The following IQSEC3 variants were observed in gnomAD, a reference collection of about 807,000 sequenced individuals.
The protein encoded by IQSEC3 is IQ motif and SEC7 domain-containing protein 3.
In IQSEC3, 50 loss-of-function variants were observed where a neutral mutation model predicts 105.4. That is an observed-to-expected ratio of 0.47 (90% CI 0.38 to 0.60). IQSEC3 has a LOEUF of 0.60. IQSEC3 is among the 20% of genes least tolerant of loss of function. The pLI, the probability that IQSEC3 is intolerant of heterozygous loss-of-function variation, is 0.00. For synonymous variants in IQSEC3, 708 were observed against 746.0 expected (o/e 0.95, Z 0.83); for missense variants, 1,415 against 1,630.0 (o/e 0.87, Z 2.27).
chr12:155,336 G>C (rs1866649180), intron 5 of IQSEC3, among the ~76,000 whole-genome samples: 1 of 152,192 alleles, frequency 6.6e-6, no homozygotes, highest in African/African-American at 2.4e-5. Context: ...CCTGCCCACT[G>C]TCCCGGCCAG....
At chr12:114,291 C>A (rs1219965249) in intron 2 of IQSEC3, among the ~76,000 whole-genome samples, 2 of 152,236 alleles carry the variant, frequency 1.3e-5, no homozygotes, top group African/African-American at 4.8e-5. Context: ...TCTGCTATGG[C>A]AAGCATGTTC....
At position 177,088 on chromosome 12, in the gene IQSEC3, T is replaced by TG; in HGVS notation, c.*2060dup. 6.6e-6 allele frequency: 1 copy of TG among 152,276 alleles called. No individual in the cohort carries two copies. The highest frequency in any genetic ancestry group is 1.9e-4 in the East Asian group (1 of 5,184). 9.4% of individuals were successfully genotyped at this position (152,276 alleles called of 1,614,324 possible). ...AAATATACTTATGGGGTGGGGGCCG[T>TG]GGGGGCCAGGGACACTCTCCCAGAC... On this transcript the variant is annotated 3_prime_UTR_variant, in exon 14 of 14. Transcript: ENST00000538872. The surrounding 1 kb of genome is among the most constrained non-coding windows in gnomAD (Gnocchi z 5.3).
chr12:78,074 G>A (rs1863612790), intron 1 of IQSEC3, among the ~76,000 whole-genome samples: 1 of 151,376 alleles, frequency 6.6e-6, no homozygotes, highest in African/African-American at 2.4e-5. Flanking sequence ...TGAGGAAGGC[G>A]GCTGCTGAGT....
Position 175,246 on chromosome 12 carries a change from A to C in IQSEC3, c.*213A>C, listed in dbSNP as rs199832424. 5.7e-6 allele frequency: 3 copies of C among 524,214 alleles called. No individual in the cohort carries two copies. The highest frequency in any genetic ancestry group is 6.7e-6 in the Non-Finnish European group (2 of 298,162). 32.5% of individuals were successfully genotyped at this position (524,214 alleles called of 1,614,324 possible). A position where few individuals can be genotyped will look rare whatever the true frequency, so the allele number is the denominator to read the frequency against. ...ACCCCCTCTGCAGATCTGAAGACACACCTCACTCTCCCAGGGCCCTACACA... is the reference window on the plus strand; with the variant it reads ...ACCCCCTCTGCAGATCTGAAGACACCCCTCACTCTCCCAGGGCCCTACACA... On this transcript the variant is annotated 3_prime_UTR_variant, in exon 14 of 14. Coordinates refer to ENST00000538872, the MANE Select transcript of IQSEC3 (RefSeq NM_001170738.2).
chr12:94,485 A>T (rs1469213390), intron 1 of IQSEC3, among the ~76,000 whole-genome samples: 1 of 152,242 alleles, frequency 6.6e-6, no homozygotes, highest in Admixed American at 6.5e-5. Context: ...GTTCTGGCCT[A>T]GGCTGAGGAG....
chr12:95,516 T>G (rs1407170674), intron 1 of IQSEC3, among the ~76,000 whole-genome samples: 1 of 152,204 alleles, frequency 6.6e-6, no homozygotes, highest in African/African-American at 2.4e-5. Flanking sequence ...GGAATTGATA[T>G]TTAACATTGT....
At chr12:95,919 C>T (rs1293946473) in intron 1 of IQSEC3, among the ~76,000 whole-genome samples, 3 of 152,186 alleles carry the variant, frequency 2.0e-5, no homozygotes, top group Non-Finnish European at 4.4e-5. Context: ...CCCTCCACCA[C>T]CACACTAAAA....
intron 1 of IQSEC3, among the ~76,000 whole-genome samples, chr12:79,574 G>T (rs1348066310): frequency 6.6e-6 from 1 of 152,064 alleles, no homozygotes; most frequent in African/African-American, 2.4e-5. Context: ...AGGACTACAG[G>T]CATGCATCAC....
At chr12:150,663 C>T (rs1555092406) in intron 5 of IQSEC3, among the ~76,000 whole-genome samples, 1 of 152,196 alleles carries the variant, frequency 6.6e-6, no homozygotes, top group Non-Finnish European at 1.5e-5. Flanking sequence ...GATTTGGCCA[C>T]ATAGCAACCA....
intron 3 of IQSEC3, among the ~76,000 whole-genome samples, chr12:135,095 A>C (rs782808732): frequency 1.7e-4 from 26 of 152,252 alleles, no homozygotes; most frequent in African/African-American, 6.3e-4. Flanking sequence ...GTGCCACTGC[A>C]CTCCAGCCTG....
At chr12:151,090 A>G (rs557653638) in intron 5 of IQSEC3, among the ~76,000 whole-genome samples, 2 of 140,340 alleles carry the variant, frequency 1.4e-5, no homozygotes, top group East Asian at 4.3e-4. Context: ...CGTGTGCCCC[A>G]AGATGGAGAC....
intron 1 of IQSEC3, among the ~76,000 whole-genome samples, chr12:98,737 T>G (rs1864319402): frequency 6.6e-6 from 1 of 152,230 alleles, no homozygotes; most frequent in Non-Finnish European, 1.5e-5. Context: ...CTGTGCATCC[T>G]AGACAAATAG....
intron 1 of IQSEC3, among the ~76,000 whole-genome samples, chr12:98,498 G>A (rs1200854620): frequency 3.3e-5 from 5 of 152,178 alleles, no homozygotes; most frequent in Non-Finnish European, 7.3e-5. Context: ...TATTTCATTA[G>A]TAAGTCAGCT....
At chr12:109,969 G>A (rs908781314) in intron 2 of IQSEC3, among the ~76,000 whole-genome samples, 1 of 152,152 alleles carries the variant, frequency 6.6e-6, no homozygotes, top group African/African-American at 2.4e-5. Context: ...AATCTGCAAA[G>A]ATGGACAGCT....
chr12:103,850 CA>C (rs1349215426), intron 2 of IQSEC3, among the ~76,000 whole-genome samples: 1 of 1,754 alleles, frequency 5.7e-4, no homozygotes, highest in Non-Finnish European at 1.1e-3. Context: ...AGGTGGAGTT[CA>C]TGAGGGGAGG....
chr12:135,248 A>G (rs1198652617), intron 3 of IQSEC3, among the ~76,000 whole-genome samples: 7 of 152,204 alleles, frequency 4.6e-5, no homozygotes, highest in African/African-American at 1.7e-4. Flanking sequence ...TCCTCTCTAC[A>G]TTTCCCCTTG....
chr12:105,075 G>A (rs1555077526), intron 2 of IQSEC3, among the ~76,000 whole-genome samples: 1 of 152,240 alleles, frequency 6.6e-6, no homozygotes, highest in Non-Finnish European at 1.5e-5. Context: ...TCTTTCCCTA[G>A]AAAAGGGCAG....
At chr12:127,923 A>T (rs1865469726) in intron 3 of IQSEC3, among the ~76,000 whole-genome samples, 1 of 152,172 alleles carries the variant, frequency 6.6e-6, no homozygotes, top group South Asian at 2.1e-4. Context: ...TGAACATGGC[A>T]CACATCTATA....
chr12:126,121 C>T (rs528903835), intron 3 of IQSEC3, among the ~76,000 whole-genome samples: 12 of 152,378 alleles, frequency 7.9e-5, no homozygotes, highest in African/African-American at 2.4e-4. Flanking sequence ...CTCATACCCT[C>T]GCAATGCCAG....
Sources: allele counts gnomAD v4.1 joint callset (sites outside exome capture counted in the v4.1 genomes callset), GRCh38; gene constraint gnomAD v4.1.1; non-coding constraint Gnocchi (gnomAD v3.1); transcripts MANE v1.5; gene names NCBI Gene and HGNC (gene_info 2026-07-23, HGNC 2026-07-21).